Variants in XRN2 observed in about 807,000 individuals in gnomAD.
XRN2 encodes DHM1-like protein.
XRN2 carries 44 observed loss-of-function variants against 138.5 expected under a neutral mutation model. The observed-to-expected ratio is 0.32, with a 90% confidence interval of 0.25 to 0.41. The LOEUF (loss-of-function observed/expected upper bound fraction) is 0.41. Ranked by LOEUF, XRN2 falls within the 10% of genes least tolerant of loss-of-function variation. The pLI is 1.00. For missense variants in XRN2, 937 were observed against 1,169.3 expected (o/e 0.80, Z 2.90); for synonymous variants, 354 against 369.4 (o/e 0.96, Z 0.48).
chr20:21,345,643 A>G (rs552948026), intron 16 of XRN2, among the ~76,000 whole-genome samples: 1 of 152,322 alleles, frequency 6.6e-6, no homozygotes, highest in East Asian at 1.9e-4. Context: ...AAAAAAAATA[A>G]TACATTGGAT....
At chr20:21,314,231 C>T (rs2037926520) in intron 1 of XRN2, among the ~76,000 whole-genome samples, 1 of 152,094 alleles carries the variant, frequency 6.6e-6, no homozygotes, top group Non-Finnish European at 1.5e-5. Flanking sequence ...ATTATGTTTT[C>T]AAAGTTCACC....
chr20:21,360,311 C>T (rs951096276), intron 24 of XRN2, among the ~76,000 whole-genome samples: 10 of 152,158 alleles, frequency 6.6e-5, no homozygotes, highest in Admixed American at 2.0e-4. Context: ...CTTTGACCTC[C>T]GCCTCTTCCT....
Position 21,365,885 on chromosome 20 carries a change from A to G in XRN2, c.2456+181A>G, listed in dbSNP as rs1338115064. ...AATATATAATTATATATAATATTAT[A>G]TAATATATAATTATATATATAATAT... On this transcript the variant is annotated intron_variant, in intron 26 of 29. Transcript: ENST00000377191. Among the ~76,000 whole-genome samples, 7 of 86,934 alleles carry G rather than the reference A, an allele frequency of 8.1e-5. No homozygotes were observed. In the South Asian group the frequency reaches 1.3e-3, roughly 17 times the overall value. The allele number at this position is 86,934 out of a possible 152,430, so 57.0% of individuals were successfully genotyped here. A position where few individuals can be genotyped will look rare whatever the true frequency, so the allele number is the denominator to read the frequency against.
intron 27 of XRN2, 106 bp downstream of exon 27, chr20:21,368,696 A>G (rs1451355945): frequency 6.3e-6 from 9 of 1,430,068 alleles, no homozygotes; most frequent in Non-Finnish European, 7.5e-6. Context: ...CAGTGCAGAC[A>G]GTGAACTTTA....
chr20:21,389,499 T>C lies in XRN2; in HGVS notation c.*161T>C, dbSNP rs1228465520. 1.6e-6 allele frequency: 1 copy of C among 629,788 alleles called. No homozygotes were observed. The highest frequency in any genetic ancestry group is 3.5e-5 in the Admixed American group (1 of 28,928). 39.0% of individuals were successfully genotyped at this position (629,788 alleles called of 1,614,324 possible). On this transcript the variant is annotated 3_prime_UTR_variant, in exon 30 of 30. Transcript: ENST00000377191. ...ACTGATCTGATCTCACTGTTTATGT[T>C]GCTTTCCAAAGATGTATGTTGCATA... is the stretch of plus-strand genomic sequence containing the variant.
At chr20:21,320,548 C>A (rs577138047) in intron 1 of XRN2, among the ~76,000 whole-genome samples, 1 of 151,984 alleles carries the variant, frequency 6.6e-6, no homozygotes, top group South Asian at 2.1e-4. Flanking sequence ...ATCGGCCTGA[C>A]TTGGCCTCCC....
At chr20:21,388,749 C>T (rs561516435) in intron 29 of XRN2, among the ~76,000 whole-genome samples, 5 of 152,292 alleles carry the variant, frequency 3.3e-5, no homozygotes, top group East Asian at 1.9e-4. Flanking sequence ...ATAAAGGTCA[C>T]GGCTAATGGA....
intron 16 of XRN2, 27 bp from the exon 17 acceptor site, chr20:21,346,388 G>A (rs753098756): frequency 6.2e-7 from 1 of 1,612,972 alleles, no homozygotes; most frequent in South Asian, 1.1e-5. Context: ...TGTTAATTCA[G>A]CATAAATGAG....
intron 1 of XRN2, among the ~76,000 whole-genome samples, chr20:21,313,110 G>A (rs542162733): frequency 1.3e-5 from 2 of 152,360 alleles, no homozygotes; most frequent in South Asian, 4.1e-4. Flanking sequence ...CGGAGACTCT[G>A]CTTTTTGTTA....
chr20:21,370,945 G>A (rs920673367), intron 27 of XRN2, among the ~76,000 whole-genome samples: 3 of 152,156 alleles, frequency 2.0e-5, no homozygotes, highest in African/African-American at 7.2e-5. Context: ...TGCCACAAGG[G>A]CAGCATGGGG....
chr20:21,389,038 T>C (rs1325201569), intron 29 of XRN2, among the ~76,000 whole-genome samples: 2 of 152,218 alleles, frequency 1.3e-5, no homozygotes, highest in Non-Finnish European at 2.9e-5. Flanking sequence ...CATTTGTGAT[T>C]GTTAAGGTTT....
chr20:21,340,642 C>T, intron 14 of XRN2, 79 bp from the exon 15 acceptor site: 5 of 1,511,900 alleles, frequency 3.3e-6, no homozygotes, highest in South Asian at 1.2e-5. Flanking sequence ...GACTTTATTC[C>T]ATTGCCCTTC....
chr20:21,303,780 C>G, intron 1 of XRN2: 2 of 1,134,330 alleles, frequency 1.8e-6, no homozygotes, highest in Non-Finnish European at 1.1e-6. Context: ...TGCTTTGTTT[C>G]CTCTCCAGAC....
rs774499342 is a variant in XRN2, at chr20:21,382,028, T to C, written c.2619T>C (p.Pro873=). 1.9e-6 allele frequency: 3 copies of C among 1,604,762 alleles called. No individual in the cohort carries two copies. In the African/African-American group the frequency reaches 4.1e-5, roughly 22 times the overall value. The change falls in exon 28 of 30, where the codon CCT becomes CCC. Residue 873 remains proline (P), a synonymous_variant. Transcript: ENST00000377191. ...MRPQDSWRGP[P]PLFQQQRFDR... ...CCCAGGATTCCTGGCGAGGTCCTCC[T>C]CCCCTTTTCCAGCAGCAAAGGTTTG...
intron 1 of XRN2, among the ~76,000 whole-genome samples, chr20:21,314,667 T>A (rs966425852): frequency 3.3e-5 from 5 of 151,978 alleles, no homozygotes; most frequent in African/African-American, 9.7e-5. Flanking sequence ...TTTTTTTTTT[T>A]AAGAGATGGG....
chr20:21,383,752 T>G (rs998564945), intron 28 of XRN2, among the ~76,000 whole-genome samples: 3 of 152,224 alleles, frequency 2.0e-5, no homozygotes, highest in African/African-American at 7.2e-5. Flanking sequence ...CATCAGGTTT[T>G]GTTCTTATTC....
intron 14 of XRN2, among the ~76,000 whole-genome samples, chr20:21,339,500 C>A (rs2038343605): frequency 6.6e-6 from 1 of 152,202 alleles, no homozygotes; most frequent in Non-Finnish European, 1.5e-5. Context: ...ACTCCTTAAT[C>A]CCCTCAGAAT....
chr20:21,324,300 C>T (rs1055438841), intron 1 of XRN2, among the ~76,000 whole-genome samples: 1 of 152,058 alleles, frequency 6.6e-6, no homozygotes, highest in Non-Finnish European at 1.5e-5. Context: ...TATTCTTTCC[C>T]TCCAATTCTA....
At chr20:21,368,705 T>C (rs891333168) in intron 27 of XRN2, 115 bp downstream of exon 27, 149 of 1,341,218 alleles carry the variant, frequency 1.1e-4, no homozygotes, top group Non-Finnish European at 1.4e-4. Context: ...CAGTGAACTT[T>C]AAAAACATGT....
Sources: gnomAD v4.1 joint callset for allele counts (sites outside exome capture counted in the v4.1 genomes callset) on GRCh38, gnomAD v4.1.1 for gene constraint, MANE v1.5 for transcripts, NCBI Gene and HGNC (gene_info 2026-07-23, HGNC 2026-07-21) for gene names.